The following EFCAB5 variants were observed in gnomAD, a reference collection of about 807,000 sequenced individuals.
EFCAB5 encodes EF-hand calcium-binding domain-containing protein 5.
In EFCAB5, 131 loss-of-function variants were observed where a neutral mutation model predicts 167.9. The observed-to-expected ratio is 0.78, with a 90% CI of 0.68 to 0.90. The LOEUF is 0.90. EFCAB5 is among the 40% of genes least tolerant of loss of function. EFCAB5 has a pLI of 0.00. For missense variants in EFCAB5, 1,663 were observed against 1,745.2 expected, an observed-to-expected ratio of 0.95 and a Z score of 0.84; for synonymous variants, 574 against 602.8, an observed-to-expected ratio of 0.95 and a Z score of 0.70.
chr17:29,981,197 C>T (rs2068166971), intron 4 of EFCAB5, among the ~76,000 whole-genome samples: 1 of 152,174 alleles, frequency 6.6e-6, no homozygotes. Flanking sequence ...CCCTTTTACC[C>T]TCAGAATAAA....
At chr17:30,107,343 T>A (rs1025856466) in intron 22 of EFCAB5, among the ~76,000 whole-genome samples, 2 of 152,170 alleles carry the variant, frequency 1.3e-5, no homozygotes, top group African/African-American at 4.8e-5. Context: ...TATATTTGAG[T>A]TAGACTTTTT....
intron 7 of EFCAB5, among the ~76,000 whole-genome samples, chr17:30,008,255 T>A (rs1462628058): frequency 6.6e-6 from 1 of 152,156 alleles, no homozygotes; most frequent in African/African-American, 2.4e-5. Context: ...TAAAAATCAT[T>A]TAATGAGATC....
At chr17:30,090,786 A>G (rs2071181058) in intron 20 of EFCAB5, 112 bp downstream of exon 20, 1 of 1,401,468 alleles carries the variant, frequency 7.1e-7, no homozygotes, top group Non-Finnish European at 9.6e-7. Flanking sequence ...CAACATACAC[A>G]TCTTTTCATA....
intron 7 of EFCAB5, among the ~76,000 whole-genome samples, chr17:30,033,682 T>A (rs916038711): frequency 2.0e-5 from 3 of 152,122 alleles, no homozygotes; most frequent in Non-Finnish European, 4.4e-5. Flanking sequence ...TCAACAGGGA[T>A]CAAGAGAAAT....
At chr17:30,038,311 C>A (rs764627317) in intron 8 of EFCAB5, among the ~76,000 whole-genome samples, 1 of 152,186 alleles carries the variant, frequency 6.6e-6, no homozygotes, top group Non-Finnish European at 1.5e-5. Flanking sequence ...TATGCCAAAT[C>A]TACTCTGCCT....
intron 7 of EFCAB5, among the ~76,000 whole-genome samples, chr17:30,008,207 A>G (rs1264942665): frequency 2.6e-5 from 4 of 152,198 alleles, no homozygotes; most frequent in African/African-American, 9.7e-5. Flanking sequence ...AGATACATTA[A>G]ATAAACAAGT....
intron 4 of EFCAB5, among the ~76,000 whole-genome samples, chr17:29,980,100 C>T (rs961577255): frequency 5.9e-5 from 9 of 152,120 alleles, no homozygotes; most frequent in Non-Finnish European, 1.2e-4. Context: ...CCCCGGGAGG[C>T]GGAGGTTGCA....
At chr17:30,084,823 G>A (rs1395809379) in intron 18 of EFCAB5, among the ~76,000 whole-genome samples, 1 of 152,130 alleles carries the variant, frequency 6.6e-6, no homozygotes, top group South Asian at 2.1e-4. Flanking sequence ...GGACACTGGA[G>A]GGCAGAAGTA....
intron 14 of EFCAB5, chr17:30,069,643 AC>A: frequency 6.3e-7 from 1 of 1,596,964 alleles, no homozygotes; most frequent in African/African-American, 1.3e-5. Flanking sequence ...AGCCTGGGCC[AC>A]GGGGGCCCAG....
At chr17:29,987,770 A>G (rs1597625701) in intron 4 of EFCAB5, among the ~76,000 whole-genome samples, 1 of 152,214 alleles carries the variant, frequency 6.6e-6, no homozygotes, top group Admixed American at 6.5e-5. Context: ...TCTAGTATAT[A>G]CTGGGGCATT....
At chr17:29,990,085 G>A (rs1368216915) in intron 4 of EFCAB5, among the ~76,000 whole-genome samples, 1 of 152,128 alleles carries the variant, frequency 6.6e-6, no homozygotes, top group East Asian at 1.9e-4. Flanking sequence ...AGGTACAGAA[G>A]TTATAATTGG....
At chr17:29,986,214 C>T (rs751123607) in intron 4 of EFCAB5, among the ~76,000 whole-genome samples, 175 of 152,198 alleles carry the variant, frequency 1.1e-3, no homozygotes, top group Non-Finnish European at 1.6e-3. Context: ...TCCTTCTAGA[C>T]GTTTTTTATT....
At chr17:29,936,474 A>C (rs1418762797) in intron 1 of EFCAB5, among the ~76,000 whole-genome samples, 1 of 152,174 alleles carries the variant, frequency 6.6e-6, no homozygotes, top group Non-Finnish European at 1.5e-5. Context: ...AAAAAGAAGC[A>C]ATCGGGATAG....
At chr17:30,018,616 T>C (rs1259050364) in intron 7 of EFCAB5, among the ~76,000 whole-genome samples, 3 of 152,152 alleles carry the variant, frequency 2.0e-5, no homozygotes, top group African/African-American at 7.2e-5. Flanking sequence ...TCACCTGAAT[T>C]CACTGTGATA....
At chr17:30,011,968 C>T (rs1338026054) in intron 7 of EFCAB5, among the ~76,000 whole-genome samples, 3 of 152,090 alleles carry the variant, frequency 2.0e-5, no homozygotes, top group African/African-American at 2.4e-5. Context: ...TAATAATCCT[C>T]GCTCTATAAT....
intron 18 of EFCAB5, 149 bp downstream of exon 18, chr17:30,083,192 G>A (rs2071024414): frequency 1.7e-6 from 2 of 1,189,098 alleles, no homozygotes; most frequent in Admixed American, 3.2e-5. Flanking sequence ...GTGAGTGACA[G>A]GAATCCATCT....
intron 3 of EFCAB5, among the ~76,000 whole-genome samples, chr17:29,959,022 G>A (rs1461569123): frequency 6.6e-6 from 1 of 152,130 alleles, no homozygotes; most frequent in Admixed American, 6.5e-5. Flanking sequence ...TCTCTGTGCT[G>A]AGCTGCCTGG....
chr17:29,988,119 T>C (rs1309010175), intron 4 of EFCAB5, among the ~76,000 whole-genome samples: 1 of 152,128 alleles, frequency 6.6e-6, no homozygotes, highest in Non-Finnish European at 1.5e-5. Flanking sequence ...TTAACATGGG[T>C]TAAATTGTGA....
At chr17:29,931,154 CAAAG>C (rs1489212246) in intron 1 of EFCAB5, among the ~76,000 whole-genome samples, 5 of 152,046 alleles carry the variant, frequency 3.3e-5, no homozygotes, top group Admixed American at 6.5e-5. Context: ...ATTATTTACA[CAAAG>C]AAAGAGAGTT....
Sources: gnomAD v4.1 joint callset for allele counts (sites outside exome capture counted in the v4.1 genomes callset) on GRCh38, gnomAD v4.1.1 for gene constraint, MANE v1.5 for transcripts, NCBI Gene and HGNC (gene_info 2026-07-23, HGNC 2026-07-21) for gene names.